Variants in MIS18A observed in about 807,000 individuals in gnomAD.
The protein encoded by MIS18A is protein Mis18-alpha.
MIS18A carries 14 observed loss-of-function variants against 25.0 expected under a neutral mutation model. The observed-to-expected ratio is 0.56, with a 90% confidence interval of 0.37 to 0.88. MIS18A has a LOEUF of 0.88. MIS18A is among the 40% of genes least tolerant of loss of function. The pLI is 0.00. For missense variants in MIS18A, 292 were observed against 290.8 expected (o/e 1.00, Z -0.03); for synonymous variants, 134 against 118.6 (o/e 1.13, Z -0.84).
downstream of MIS18A, among the ~76,000 whole-genome samples, chr21:32,267,365 A>G (rs2031624838): frequency 6.6e-6 from 1 of 152,140 alleles, no homozygotes; most frequent in South Asian, 2.1e-4. Context: ...CCTAACAGGA[A>G]TACACGTGCA....
the MIS18A span, among the ~76,000 whole-genome samples, chr21:32,206,677 A>G: frequency 1.3e-5 from 2 of 152,294 alleles, no homozygotes; most frequent in African/African-American, 2.4e-5. Flanking sequence ...GAAGGATGAG[A>G]GAGCCGCAGC....
At chr21:32,273,877 TAC>T (rs2031758881) in intron 2 of MIS18A, among the ~76,000 whole-genome samples, 1 of 152,238 alleles carries the variant, frequency 6.6e-6, no homozygotes, top group Non-Finnish European at 1.5e-5. Flanking sequence ...AAGTGTAAGA[TAC>T]AGTTTACATT....
the MIS18A span, among the ~76,000 whole-genome samples, chr21:32,218,875 G>A: frequency 2.6e-5 from 4 of 152,142 alleles, no homozygotes; most frequent in African/African-American, 9.6e-5. Context: ...GACCAGCCTG[G>A]CCAACATGGT....
In MIS18A at chr21:32,278,712, G is replaced by T; in HGVS notation, c.303C>A (p.Ser101Arg). 1 of 1,577,204 alleles carries T rather than the reference G, an allele frequency of 6.3e-7. No homozygotes were observed. Residue 101 changes from serine (S) to arginine (R), a missense_variant, in exon 1 of 5, where the codon AGC becomes AGA. By Grantham distance (110) the Ser-to-Arg change is moderately radical (BLOSUM62 -1). Coordinates refer to ENST00000290130, the MANE Select transcript of MIS18A (RefSeq NM_018944.3). ...GCAGGATGCAGTTGGTGTCCTCCTG[G>T]CTGGCCACCCAGCTCAGCGAGTCGC... ...PLGDSLSWVASQEDTNCILLR... is the reference protein window; with the variant it reads ...PLGDSLSWVARQEDTNCILLR...
At chr21:32,248,248 C>T in the MIS18A span, among the ~76,000 whole-genome samples, 2 of 152,186 alleles carry the variant, frequency 1.3e-5, no homozygotes, top group African/African-American at 2.4e-5. Flanking sequence ...ACATGTGTCA[C>T]CTCATACAGT....
At chr21:32,225,306 G>T in the MIS18A span, among the ~76,000 whole-genome samples, 1 of 115,524 alleles carries the variant, frequency 8.7e-6, no homozygotes, top group East Asian at 2.3e-4. Flanking sequence ...AAGAGCTTCT[G>T]CACAGCAAAA....
the MIS18A span, among the ~76,000 whole-genome samples, chr21:32,194,272 T>C: frequency 3.3e-5 from 5 of 152,266 alleles, no homozygotes; most frequent in Admixed American, 1.3e-4. Flanking sequence ...GGCAAAGTCA[T>C]AGAACCAATC....
chr21:32,204,575 G>A, the MIS18A span, among the ~76,000 whole-genome samples: 3 of 152,050 alleles, frequency 2.0e-5, no homozygotes, highest in Non-Finnish European at 4.4e-5. Flanking sequence ...AAAGGAAATA[G>A]AAACATGTAA....
At chr21:32,229,024 T>C in the MIS18A span, among the ~76,000 whole-genome samples, 4 of 152,332 alleles carry the variant, frequency 2.6e-5, no homozygotes, top group Non-Finnish European at 4.4e-5. Flanking sequence ...AGTTTTTTTT[T>C]CCAAATGGCT....
At chr21:32,269,458 T>A in intron 4 of MIS18A, 1 of 453,826 alleles carries the variant, frequency 2.2e-6, no homozygotes, top group Non-Finnish European at 3.9e-6. Flanking sequence ...CAAAGATGTA[T>A]TTCTAGCTTT....
the MIS18A span, among the ~76,000 whole-genome samples, chr21:32,176,442 C>T: frequency 2.6e-5 from 4 of 152,144 alleles, no homozygotes; most frequent in East Asian, 5.8e-4. Context: ...TGGTGCACAA[C>T]TTTAGCTAAA....
the MIS18A span, among the ~76,000 whole-genome samples, chr21:32,248,360 T>C: frequency 6.6e-6 from 1 of 152,142 alleles, no homozygotes; most frequent in South Asian, 2.1e-4. Flanking sequence ...GGTAGAACTA[T>C]AGGGATCTGC....
the MIS18A span, among the ~76,000 whole-genome samples, chr21:32,243,940 C>A: frequency 1.3e-5 from 2 of 151,822 alleles, no homozygotes; most frequent in African/African-American, 4.8e-5. Flanking sequence ...GGCGACACAG[C>A]GAGACCCCGA....
chr21:32,160,253 A>G, the MIS18A span, among the ~76,000 whole-genome samples: 1 of 151,748 alleles, frequency 6.6e-6, no homozygotes, highest in Non-Finnish European at 1.5e-5. Context: ...AGATAAAAAA[A>G]TCAGAGCTTA....
At chr21:32,201,085 G>C in the MIS18A span, among the ~76,000 whole-genome samples, 17 of 152,184 alleles carry the variant, frequency 1.1e-4, no homozygotes, top group Non-Finnish European at 2.2e-4. Context: ...GCCTCAGGAA[G>C]TTTACAATTG....
the MIS18A span, among the ~76,000 whole-genome samples, chr21:32,160,285 A>AACACACACACACAC: frequency 2.1e-5 from 3 of 145,616 alleles, no homozygotes; most frequent in East Asian, 2.1e-4. Context: ...ACACCTCTGC[A>AACACACACACACAC]ACACACACAC....
the MIS18A span, among the ~76,000 whole-genome samples, chr21:32,245,865 A>G: frequency 6.6e-6 from 1 of 152,184 alleles, no homozygotes. Flanking sequence ...GCATTGTTAT[A>G]AAGAAATACC....
chr21:32,176,241 G>A, the MIS18A span, among the ~76,000 whole-genome samples: 3 of 152,180 alleles, frequency 2.0e-5, no homozygotes, highest in African/African-American at 2.4e-5. Context: ...TGTACTATAC[G>A]TAATTGTATG....
the MIS18A span, among the ~76,000 whole-genome samples, chr21:32,251,335 G>GTC: frequency 4.0e-5 from 6 of 151,476 alleles, no homozygotes; most frequent in South Asian, 2.1e-4. Context: ...TCAATACCCA[G>GTC]TCTCTCTCTC....
Sources: gnomAD v4.1 joint callset for allele counts (sites outside exome capture counted in the v4.1 genomes callset) on GRCh38, gnomAD v4.1.1 for gene constraint, MANE v1.5 for transcripts, NCBI Gene and HGNC (gene_info 2026-07-23, HGNC 2026-07-21) for gene names.